The following RAB11FIP4 variants were observed in gnomAD, a reference collection of about 807,000 sequenced individuals.
RAB11FIP4 encodes the protein rab11 family-interacting protein 4.
RAB11FIP4 carries 23 observed loss-of-function variants against 74.3 expected under a neutral mutation model. That is an observed-to-expected ratio of 0.31 (90% CI 0.22 to 0.44). The LOEUF is 0.44. Ranked by LOEUF, RAB11FIP4 falls within the 20% of genes least tolerant of loss-of-function variation. RAB11FIP4 has a pLI of 1.00. For synonymous variants in RAB11FIP4, 360 were observed against 359.9 expected (o/e 1.00, Z 0.00); for missense variants, 630 against 863.9 (o/e 0.73, Z 3.39).
chr17:31,443,650 C>T (rs1457000110), intron 3 of RAB11FIP4, among the ~76,000 whole-genome samples: 2 of 152,224 alleles, frequency 1.3e-5, no homozygotes, highest in Non-Finnish European at 2.9e-5. Context: ...TGGCTCAGGC[C>T]TGGAATCCCA....
chr17:31,484,192 T>A (rs1302391243), intron 3 of RAB11FIP4, among the ~76,000 whole-genome samples: 1 of 150,182 alleles, frequency 6.7e-6, no homozygotes, highest in Non-Finnish European at 1.5e-5. Flanking sequence ...TGCCTCAGCC[T>A]CCAGAGTGTC....
intron 3 of RAB11FIP4, among the ~76,000 whole-genome samples, chr17:31,474,720 T>TA (rs2071772824): frequency 6.6e-6 from 1 of 150,818 alleles, no homozygotes; most frequent in Admixed American, 6.6e-5. Context: ...CCGGTGCCTG[T>TA]AATCCCATCT....
intron 3 of RAB11FIP4, among the ~76,000 whole-genome samples, chr17:31,450,809 C>T (rs1403257151): frequency 2.0e-5 from 3 of 148,730 alleles, no homozygotes; most frequent in Non-Finnish European, 4.4e-5. Flanking sequence ...GTGGCGCACC[C>T]TCTGCATTTC....
intron 7 of RAB11FIP4, 129 bp from the exon 8 acceptor site, chr17:31,523,383 T>C (rs1278364996): frequency 2.8e-5 from 21 of 748,588 alleles, no homozygotes; most frequent in Non-Finnish European, 4.8e-5. Flanking sequence ...CCTCTCAGGC[T>C]GAGTGAGGGC....
intron 3 of RAB11FIP4, among the ~76,000 whole-genome samples, chr17:31,498,558 C>T (rs1264608818): frequency 1.3e-5 from 2 of 152,214 alleles, no homozygotes; most frequent in African/African-American, 4.8e-5. Context: ...AAGGGCGGGT[C>T]ACGTGGAGCC....
intron 1 of RAB11FIP4, among the ~76,000 whole-genome samples, chr17:31,421,767 C>A (rs1387123390): frequency 6.6e-6 from 1 of 151,742 alleles, no homozygotes; most frequent in Admixed American, 6.6e-5. Context: ...CTATGTTGGC[C>A]GGGCTGGTCT....
rs576581169 is a variant in RAB11FIP4 at position 31,460,385 on chromosome 17, C to T, written c.336+26263C>T. 5.3e-4 allele frequency among the ~76,000 whole-genome samples: 81 copies of T among 152,252 alleles called. 1 individual carries two copies. In the Middle Eastern group the frequency reaches 0.017, roughly 32 times the overall value. The stretch of plus-strand genomic sequence containing the variant: ...GGTCCGAATCACAGCTTGGCCCTTC[C>T]CCGTGAGACTTTGGACAGGTTGTGT... On this transcript the variant is annotated intron_variant, in intron 3 of 14. Transcript: ENST00000621161.
chr17:31,464,092 G>T (rs1719324631), intron 3 of RAB11FIP4, among the ~76,000 whole-genome samples: 1 of 151,968 alleles, frequency 6.6e-6, no homozygotes, highest in Non-Finnish European at 1.5e-5. Context: ...AGGATTATAG[G>T]CGTGAGCCGC....
At chr17:31,445,878 C>T (rs539108597) in intron 3 of RAB11FIP4, among the ~76,000 whole-genome samples, 1 of 151,818 alleles carries the variant, frequency 6.6e-6, no homozygotes, top group East Asian at 1.9e-4. Context: ...TGTGAGCCAC[C>T]GCACCCAGCC....
chr17:31,392,101 G>A, intron 1 of RAB11FIP4, 90 bp downstream of exon 1: 2 of 1,024,044 alleles, frequency 2.0e-6, no homozygotes, highest in Non-Finnish European at 2.4e-6. Context: ...CACCCGCGTG[G>A]CCCGAGGCGG....
chr17:31,469,717 A>G (rs1024498514), intron 3 of RAB11FIP4, among the ~76,000 whole-genome samples: 1 of 151,804 alleles, frequency 6.6e-6, no homozygotes, highest in African/African-American at 2.4e-5. Context: ...TCTTTGAGAC[A>G]TTACGAAAGA....
intron 3 of RAB11FIP4, among the ~76,000 whole-genome samples, chr17:31,444,052 C>A (rs2071428685): frequency 6.6e-6 from 1 of 152,220 alleles, no homozygotes; most frequent in African/African-American, 2.4e-5. Context: ...ATGATGATAA[C>A]CTGTGCCTCT....
rs1405983337 is a variant in RAB11FIP4, at chr17:31,523,925, G to A, written c.1062G>A (p.Leu354=). The A allele has an allele frequency of 7.4e-6, 12 of 1,612,308 alleles. No homozygotes were observed. In the East Asian group the frequency reaches 2.7e-4, roughly 36 times the overall value. The change falls in exon 9 of 15, where the codon CTG becomes CTA. Residue 354 remains leucine (L), a synonymous_variant. Transcript: ENST00000621161. The part of the protein sequence containing the change: ...VSFLEKKVTE[L]ENDSLTNGDL... ...TCCTGGAAAAGAAGGTGACAGAGCT[G>A]GAGAATGACAGCCTGACCAATGGGG...
intron 3 of RAB11FIP4, among the ~76,000 whole-genome samples, chr17:31,505,544 T>TAATATAATA (rs60904440): frequency 1.4e-5 from 1 of 69,354 alleles, no homozygotes; most frequent in East Asian, 2.6e-4. Context: ...TTATTATATA[T>TAATATAATA]TATATATAAT....
At chr17:31,404,047 C>T (rs1157512656) in intron 1 of RAB11FIP4, among the ~76,000 whole-genome samples, 3 of 152,198 alleles carry the variant, frequency 2.0e-5, no homozygotes, top group Non-Finnish European at 4.4e-5. Flanking sequence ...GCATCTGCGC[C>T]ACTTCCTGTT....
intron 1 of RAB11FIP4, among the ~76,000 whole-genome samples, chr17:31,417,155 C>T (rs1427084032): frequency 6.6e-6 from 1 of 152,026 alleles, no homozygotes; most frequent in African/African-American, 2.4e-5. Flanking sequence ...AGCAGGAAAC[C>T]CTGCAACTGG....
intron 3 of RAB11FIP4, among the ~76,000 whole-genome samples, chr17:31,462,324 G>A (rs924845991): frequency 6.6e-6 from 1 of 152,024 alleles, no homozygotes; most frequent in African/African-American, 2.4e-5. Context: ...AAATTCTGAT[G>A]TAATTGGTCT....
intron 1 of RAB11FIP4, among the ~76,000 whole-genome samples, chr17:31,394,211 A>G (rs2070905673): frequency 1.3e-5 from 2 of 152,256 alleles, no homozygotes; most frequent in African/African-American, 2.4e-5. Context: ...CAGCGCCTCA[A>G]TGACACTTCT....
chr17:31,505,476 T>TAA (rs2072305263), intron 3 of RAB11FIP4, among the ~76,000 whole-genome samples: 1 of 65,982 alleles, frequency 1.5e-5, no homozygotes, highest in Non-Finnish European at 3.0e-5. Context: ...ATAATAATAA[T>TAA]TATAATATAT....
Sources: allele counts gnomAD v4.1 joint callset (sites outside exome capture counted in the v4.1 genomes callset), GRCh38; gene constraint gnomAD v4.1.1; transcripts MANE v1.5; gene names NCBI Gene and HGNC (gene_info 2026-07-23, HGNC 2026-07-21).